Variants in ST8SIA1 observed in about 807,000 individuals in gnomAD.
ST8SIA1 encodes alpha-N-acetylneuraminide alpha-2,8-sialyltransferase.
In ST8SIA1, 16 loss-of-function variants were observed where a neutral mutation model predicts 35.9. The observed-to-expected ratio is 0.45, with a 90% CI of 0.30 to 0.68. The LOEUF (loss-of-function observed/expected upper bound fraction) is 0.68. ST8SIA1 is among the 30% of genes least tolerant of loss of function. The pLI is 0.09. For missense variants in ST8SIA1, 383 were observed against 453.6 expected, an observed-to-expected ratio of 0.84 and a Z score of 1.41; for synonymous variants, 170 against 169.6, an observed-to-expected ratio of 1.00 and a Z score of -0.02.
At chr12:22,302,589 G>C (rs1020043533) in intron 1 of ST8SIA1, among the ~76,000 whole-genome samples, 3 of 152,120 alleles carry the variant, frequency 2.0e-5, no homozygotes, top group African/African-American at 7.2e-5. Flanking sequence ...TGAGAGATCA[G>C]ATAAAACCTG....
At chr12:22,237,187 C>T (rs1397329377) in intron 4 of ST8SIA1, among the ~76,000 whole-genome samples, 2 of 152,162 alleles carry the variant, frequency 1.3e-5, no homozygotes, top group East Asian at 3.9e-4. Flanking sequence ...CAGCCTTGAA[C>T]GCCTAGGCTC....
intron 1 of ST8SIA1, among the ~76,000 whole-genome samples, chr12:22,306,203 G>A (rs1866381071): frequency 6.6e-6 from 1 of 152,100 alleles, no homozygotes; most frequent in Non-Finnish European, 1.5e-5. Context: ...TCCCTAAAAT[G>A]TATAAAACCA....
At chr12:22,310,869 C>T (rs752646310) in intron 1 of ST8SIA1, among the ~76,000 whole-genome samples, 9 of 152,124 alleles carry the variant, frequency 5.9e-5, no homozygotes, top group South Asian at 2.1e-4. Flanking sequence ...AGCTGAGACA[C>T]GCATTATAGC....
intron 2 of ST8SIA1, among the ~76,000 whole-genome samples, chr12:22,282,711 G>C (rs923912905): frequency 6.6e-6 from 1 of 152,064 alleles, no homozygotes; most frequent in African/African-American, 2.4e-5. Context: ...CCCCCATCAG[G>C]TTTCTGTTAT....
intron 4 of ST8SIA1, among the ~76,000 whole-genome samples, chr12:22,214,063 A>T (rs1865206152): frequency 1.3e-5 from 2 of 152,220 alleles, no homozygotes; most frequent in South Asian, 4.1e-4. Flanking sequence ...TATTATCCAA[A>T]TTTGAACATG....
chr12:22,237,874 A>G (rs575599212), intron 4 of ST8SIA1, among the ~76,000 whole-genome samples: 1 of 152,308 alleles, frequency 6.6e-6, no homozygotes, highest in African/African-American at 2.4e-5. Context: ...CAAAGTATCA[A>G]CTTTGGCTTT....
rs375446623 is a variant in ST8SIA1, at chr12:22,308,725, C to A, written c.237-21432G>T. On this transcript the variant is annotated intron_variant, in intron 1 of 4. Coordinates refer to ENST00000396037, the MANE Select transcript of ST8SIA1 (RefSeq NM_003034.4). ...TGAATGATCAAATCAAATCAAATGG[C>A]CGTTCCTCATTACTCATCCTGATCG... 2.0e-5 allele frequency among the ~76,000 whole-genome samples: 3 copies of A among 152,246 alleles called. 1 individual carries two copies. The highest frequency in any genetic ancestry group is 7.2e-5 in the African/African-American group (3 of 41,540).
chr12:22,321,023 AAAG>A (rs1565596077), intron 1 of ST8SIA1, among the ~76,000 whole-genome samples: 81 of 102,750 alleles, frequency 7.9e-4, no homozygotes, highest in African/African-American at 2.8e-3. Flanking sequence ...AGAAAGAAAG[AAAG>A]AAAGAAAGAG....
At chr12:22,324,887 T>A (rs1244651310) in intron 1 of ST8SIA1, 8 of 152,104 alleles carry the variant, frequency 5.3e-5, no homozygotes, top group African/African-American at 1.9e-4. Context: ...AATAAAAAAT[T>A]ATAAAGCTAT....
intron 2 of ST8SIA1, among the ~76,000 whole-genome samples, chr12:22,257,217 T>C (rs1264517136): frequency 6.6e-6 from 1 of 151,908 alleles, no homozygotes; most frequent in Non-Finnish European, 1.5e-5. Flanking sequence ...ATTATTATTA[T>C]TATTATTTTC....
chr12:22,265,821 T>A (rs1387763125), intron 2 of ST8SIA1, among the ~76,000 whole-genome samples: 1 of 152,086 alleles, frequency 6.6e-6, no homozygotes. Context: ...AGTTCTTGCC[T>A]ATCATCAATC....
rs534679501 is a variant in ST8SIA1 at position 22,249,136 on chromosome 12, A to G, written c.492-38T>C. ...GAACAAACATTTTGGAACAATTTGC[A>G]TAGTTTTAAATCATCAGTTAGAATA... On this transcript the variant is annotated intron_variant, in intron 3 of 4. Coordinates refer to ENST00000396037, the MANE Select transcript of ST8SIA1 (RefSeq NM_003034.4). 165 of 1,318,544 alleles carry G rather than the reference A, an allele frequency of 1.3e-4. No individual in the cohort carries two copies. In the South Asian group the frequency reaches 1.4e-3, roughly 11 times the overall value. The allele number at this position is 1,318,544 out of a possible 1,614,324, so 81.7% of individuals were successfully genotyped here. A position where few individuals can be genotyped will look rare whatever the true frequency, so the allele number is the denominator to read the frequency against.
At chr12:22,304,339 T>C (rs962332643) in intron 1 of ST8SIA1, among the ~76,000 whole-genome samples, 6 of 111,802 alleles carry the variant, frequency 5.4e-5, no homozygotes, top group African/African-American at 1.7e-4. Context: ...TTTTTCTTTT[T>C]TTTTTTTTTT....
At chr12:22,233,514 T>A (rs1247385195) in intron 4 of ST8SIA1, among the ~76,000 whole-genome samples, 1 of 152,142 alleles carries the variant, frequency 6.6e-6, no homozygotes, top group Non-Finnish European at 1.5e-5. Flanking sequence ...CTCAAGTCAA[T>A]AAATCCTCCT....
At chr12:22,280,461 T>C (rs1248484102) in intron 2 of ST8SIA1, among the ~76,000 whole-genome samples, 1 of 152,144 alleles carries the variant, frequency 6.6e-6, no homozygotes, top group African/African-American at 2.4e-5. Context: ...CAGTGGTAAT[T>C]GGTGTCATGA....
At chr12:22,303,922 C>CA (rs1165416787) in intron 1 of ST8SIA1, among the ~76,000 whole-genome samples, 1 of 149,482 alleles carries the variant, frequency 6.7e-6, no homozygotes, top group Non-Finnish European at 1.5e-5. Flanking sequence ...AAACGAACAG[C>CA]AAAAAACAGA....
intron 4 of ST8SIA1, among the ~76,000 whole-genome samples, chr12:22,209,960 C>T (rs1174507336): frequency 1.3e-5 from 2 of 152,110 alleles, no homozygotes; most frequent in East Asian, 1.9e-4. Flanking sequence ...AGGAAGGGTG[C>T]CTGGCACGTG....
At chr12:22,237,770 T>C (rs1435360485) in intron 4 of ST8SIA1, among the ~76,000 whole-genome samples, 4 of 151,952 alleles carry the variant, frequency 2.6e-5, no homozygotes, top group African/African-American at 7.2e-5. Flanking sequence ...TTTTTTAGTA[T>C]GGATTTGTAG....
chr12:22,302,019 C>A (rs915514551), intron 1 of ST8SIA1, among the ~76,000 whole-genome samples: 2 of 151,944 alleles, frequency 1.3e-5, no homozygotes, highest in African/African-American at 4.8e-5. Context: ...ATAATCTGGG[C>A]AATATAATAA....
Sources: allele counts gnomAD v4.1 joint callset (sites outside exome capture counted in the v4.1 genomes callset), GRCh38; gene constraint gnomAD v4.1.1; transcripts MANE v1.5; gene names NCBI Gene and HGNC (gene_info 2026-07-23, HGNC 2026-07-21).